WASHC3: variants seen among roughly 807,000 people sequenced by gnomAD.
WASHC3 encodes the protein WASH complex subunit 3.
A neutral mutation model predicts 26.1 loss-of-function variants in WASHC3; 24 were observed. The observed-to-expected ratio is 0.92, with a 90% CI of 0.66 to 1.29. WASHC3 has a LOEUF of 1.29. WASHC3 is among the 50% of genes most tolerant of loss of function. The pLI, the probability that WASHC3 is intolerant of heterozygous loss-of-function variation, is 0.00. For synonymous variants in WASHC3, 77 were observed against 75.7 expected (o/e 1.02, Z -0.09); for missense variants, 214 against 229.6 (o/e 0.93, Z 0.44).
At chr12:102,036,928 T>A (rs1437003060) in intron 5 of WASHC3, among the ~76,000 whole-genome samples, 1 of 152,176 alleles carries the variant, frequency 6.6e-6, no homozygotes, top group East Asian at 1.9e-4. Flanking sequence ...AGTTAAGGCT[T>A]TTTAAAAATA....
chr12:102,035,845 C>T (rs531889237), intron 5 of WASHC3, among the ~76,000 whole-genome samples: 3 of 152,198 alleles, frequency 2.0e-5, no homozygotes, highest in South Asian at 2.1e-4. Context: ...GGAAGAATAC[C>T]GGTAAAGTCA....
At chr12:102,021,947 T>C (rs1230217364) in intron 6 of WASHC3, among the ~76,000 whole-genome samples, 2 of 152,140 alleles carry the variant, frequency 1.3e-5, no homozygotes, top group Non-Finnish European at 2.9e-5. Context: ...ACTATAAGAG[T>C]GGTCATTCCA....
intron 4 of WASHC3, among the ~76,000 whole-genome samples, chr12:102,041,216 G>GT (rs1004327417): frequency 5.3e-5 from 8 of 151,882 alleles, no homozygotes; most frequent in African/African-American, 1.9e-4. Flanking sequence ...AACCAAGTAT[G>GT]TTTTTTAACA....
chr12:102,058,545 G>A (rs1358770511), intron 2 of WASHC3, among the ~76,000 whole-genome samples: 3 of 152,062 alleles, frequency 2.0e-5, no homozygotes, highest in Admixed American at 1.3e-4. Flanking sequence ...CCTATGGAAT[G>A]GGAGACTATA....
chr12:102,025,913 A>T (rs185947871), intron 6 of WASHC3, 61 bp downstream of exon 6: 1 of 848,634 alleles, frequency 1.2e-6, no homozygotes, highest in African/African-American at 1.7e-5. Flanking sequence ...AAATATTTTT[A>T]TTATAACTGA....
At chr12:102,020,429 C>T (rs1057411598) in intron 6 of WASHC3, among the ~76,000 whole-genome samples, 1 of 152,040 alleles carries the variant, frequency 6.6e-6, no homozygotes, top group South Asian at 2.1e-4. Context: ...TTCTGCCATC[C>T]TAAATATGAA....
intron 2 of WASHC3, among the ~76,000 whole-genome samples, chr12:102,046,393 T>C (rs1878168770): frequency 6.6e-6 from 1 of 152,156 alleles, no homozygotes; most frequent in Non-Finnish European, 1.5e-5. Context: ...CCCCCTGGGT[T>C]CAAGTGATTC....
intron 6 of WASHC3, among the ~76,000 whole-genome samples, 186 bp from the exon 7 acceptor site, chr12:102,013,378 C>T (rs762796998): frequency 2.0e-5 from 3 of 152,198 alleles, no homozygotes; most frequent in Non-Finnish European, 2.9e-5. Context: ...GGATTCAATG[C>T]TATGCCTGTA....
chr12:102,046,348 C>T (rs181043971), intron 2 of WASHC3, among the ~76,000 whole-genome samples: 45 of 151,718 alleles, frequency 3.0e-4, no homozygotes, highest in Admixed American at 1.5e-3. Context: ...CAGGCTGGAG[C>T]GCAGTGGTGC....
intron 6 of WASHC3, chr12:102,017,790 TC>T: frequency 2.3e-6 from 1 of 438,734 alleles, no homozygotes; most frequent in South Asian, 1.7e-5. Flanking sequence ...TTCATTTTTT[TC>T]TTTTTTTAAT....
intron 4 of WASHC3, among the ~76,000 whole-genome samples, chr12:102,042,926 T>C (rs1000499486): frequency 1.3e-5 from 2 of 152,246 alleles, no homozygotes; most frequent in Non-Finnish European, 2.9e-5. Flanking sequence ...AGAATTTTTA[T>C]TTTTTGAAAT....
At chr12:102,050,341 A>C (rs574822728) in intron 2 of WASHC3, 4 of 444,408 alleles carry the variant, frequency 9.0e-6, no homozygotes, top group Non-Finnish European at 1.8e-5. Context: ...CATTCTGGCC[A>C]GGTACAGTGG....
rs151151284 is a variant in WASHC3 at position 102,039,127 on chromosome 12, G to GTTTTTTTT, written c.435+740_435+741insAAAAAAAA. ...AGGTGCATGCCATCATATGGAGTTA[G>GTTTTTTTT]GTTTTTTTTTTTTTTTTTTTTTTTA... On this transcript the variant is annotated intron_variant, in intron 5 of 6. Transcript: ENST00000240079. Among the ~76,000 whole-genome samples the GTTTTTTTT allele has an allele frequency of 3.6e-5, 3 of 84,250 alleles. 1 individual carries two copies. The allele number at this position is 84,250 out of a possible 152,430, so 55.3% of individuals were successfully genotyped here.
chr12:102,034,721 T>G (rs1023019191), intron 5 of WASHC3, among the ~76,000 whole-genome samples: 19 of 151,410 alleles, frequency 1.3e-4, no homozygotes, highest in African/African-American at 4.6e-4. Context: ...GTGGAATAAC[T>G]GCCAGGAAAT....
At chr12:102,043,300 T>TG (rs1594363963) in intron 4 of WASHC3, among the ~76,000 whole-genome samples, 1 of 152,142 alleles carries the variant, frequency 6.6e-6, no homozygotes, top group Non-Finnish European at 1.5e-5. Context: ...GGCAGGGACT[T>TG]GCGCTGTCAC....
chr12:102,061,554 C>T (rs1198638856), intron 1 of WASHC3, among the ~76,000 whole-genome samples: 1 of 152,202 alleles, frequency 6.6e-6, no homozygotes, highest in African/African-American at 2.4e-5. Context: ...AGGCTCTAGA[C>T]TCACTGGTAC....
chr12:102,060,414 G>T (rs1384276924), intron 2 of WASHC3, among the ~76,000 whole-genome samples: 1 of 152,038 alleles, frequency 6.6e-6, no homozygotes. Context: ...CGAGTAGCTG[G>T]GATTACAGGT....
At chr12:102,035,391 G>A (rs1451109438) in intron 5 of WASHC3, among the ~76,000 whole-genome samples, 1 of 152,160 alleles carries the variant, frequency 6.6e-6, no homozygotes, top group Non-Finnish European at 1.5e-5. Context: ...TGTCAAATGT[G>A]TAGCCTACAT....
rs752666016 is a variant in WASHC3, at chr12:102,039,797, CAG to C, written c.435+69_435+70del. 118 of 594,736 alleles carry C rather than the reference CAG, an allele frequency of 2.0e-4. 1 individual carries two copies. The highest frequency in any genetic ancestry group is 3.4e-4 in the Non-Finnish European group (113 of 330,502). 36.8% of individuals were successfully genotyped at this position (594,736 alleles called of 1,614,324 possible). On this transcript the variant is annotated intron_variant, in intron 5 of 6. Coordinates refer to ENST00000240079, the MANE Select transcript of WASHC3 (RefSeq NM_016053.4). ...AGTTTTCTCAGATTGAAAAAAATAA[CAG>C]TAAAACCTCCAGGGTTAAGAATTTC...
Sources: allele counts gnomAD v4.1 joint callset (sites outside exome capture counted in the v4.1 genomes callset), GRCh38; gene constraint gnomAD v4.1.1; transcripts MANE v1.5; gene names NCBI Gene and HGNC (gene_info 2026-07-23, HGNC 2026-07-21).